The following KCNC3 variants were observed in gnomAD, a reference collection of about 807,000 sequenced individuals.
KCNC3 encodes voltage-gated potassium channel KCNC3.
KCNC3 carries 22 observed loss-of-function variants against 43.9 expected under a neutral mutation model. The ratio of observed to expected loss-of-function variants is 0.50; its 90% CI spans 0.36 to 0.72. The LOEUF (loss-of-function observed/expected upper bound fraction) is 0.72. KCNC3 is among the 30% of genes least tolerant of loss of function. KCNC3 has a pLI of 0.00. For missense variants in KCNC3, 829 were observed against 1,073.8 expected (o/e 0.77, Z 3.19); for synonymous variants, 492 against 488.0 (o/e 1.01, Z -0.11).
Position 50,329,002 on chromosome 19 carries a change from C to T in KCNC3, c.81G>A (p.Pro27=), listed in dbSNP as rs1376249813. ...SKQQPAPPPQ[P]PESPPPPPLP... ...GCGGTGGCGGCGGCGGGGACTCGGG[C>T]GGCTGCGGCGGTGGCGCCGGCTGCT... is the stretch of plus-strand genomic sequence containing the variant. Residue 27 remains proline, a synonymous_variant, in exon 1 of 5, where the codon CCG becomes CCA. Coordinates refer to ENST00000477616, the MANE Select transcript of KCNC3 (RefSeq NM_004977.3). The T allele has an allele frequency of 1.6e-5, 20 of 1,239,172 alleles. 1 individual carries two copies. Among genetic ancestry groups the T allele is most frequent in the Admixed American group, 3.6e-5 (1 of 27,818 alleles). The allele number at this position is 1,239,172 out of a possible 1,614,324, so 76.8% of individuals were successfully genotyped here. A position where few individuals can be genotyped will look rare whatever the true frequency, so the allele number is the denominator to read the frequency against.
At chr19:50,331,062 C>G (rs2037183113), upstream of KCNC3, among the ~76,000 whole-genome samples, 1 of 152,006 alleles carries the variant, frequency 6.6e-6, no homozygotes, top group African/African-American at 2.4e-5. Flanking sequence ...CATCCCACCC[C>G]CGCTCCCGTT....
chr19:50,325,758 C>G (rs956778038), intron 1 of KCNC3, among the ~76,000 whole-genome samples: 3 of 152,048 alleles, frequency 2.0e-5, no homozygotes, highest in Admixed American at 6.5e-5. Context: ...CGGCCAGTAC[C>G]GCGGACAGCT....
intron 4 of KCNC3, among the ~76,000 whole-genome samples, chr19:50,317,534 T>C (rs1322791772): frequency 6.6e-6 from 1 of 152,088 alleles, no homozygotes; most frequent in Non-Finnish European, 1.5e-5. Context: ...GTGGCTTCCC[T>C]TCACGTTTAA....
intron 4 of KCNC3, among the ~76,000 whole-genome samples, 166 bp downstream of exon 4, chr19:50,320,057 G>GT (rs2037006628): frequency 6.8e-6 from 1 of 146,232 alleles, no homozygotes. Context: ...TCCTGGGTAG[G>GT]TGGGTGTGGG....
chr19:50,320,565 C>A, intron 3 of KCNC3, 28 bp downstream of exon 3: 1 of 1,599,314 alleles, frequency 6.3e-7, no homozygotes, highest in Non-Finnish European at 8.5e-7. Context: ...GGGAGGGTCC[C>A]AGGGGATCAG....
At chr19:50,325,019 G>C (rs1376679347) in intron 1 of KCNC3, among the ~76,000 whole-genome samples, 1 of 152,194 alleles carries the variant, frequency 6.6e-6, no homozygotes, top group East Asian at 1.9e-4. Context: ...CAGGGCCAAA[G>C]AGAAGTTAGG....
Position 50,323,912 on chromosome 19 carries a change from G to C in KCNC3, c.1041C>G (p.Phe347Leu), listed in dbSNP as rs2037069670. Residue 347 changes from phenylalanine to leucine, a missense_variant, in exon 2 of 5, where the codon TTC (phenylalanine) becomes TTG (leucine). By Grantham distance (22) the Phe-to-Leu change is conservative. Transcript: ENST00000477616. ...CGCACACCCCCTCCACGTAGGTCAG[G>C]AAGGGCTCCGTCTCCACCTCCACGT... is the stretch of plus-strand genomic sequence containing the variant. ...ITNVEVETEPFLTYVEGVCVV... is the reference protein window; with the variant it reads ...ITNVEVETEPLLTYVEGVCVV... 1 of 1,614,218 alleles carries C rather than the reference G, an allele frequency of 6.2e-7. No homozygotes were observed.
upstream of KCNC3, chr19:50,333,368 C>T (rs948271729): frequency 1.3e-5 from 2 of 154,334 alleles, no homozygotes; most frequent in African/African-American, 4.8e-5. Flanking sequence ...TTATGGCGGA[C>T]CCCGGGGTCC....
chr19:50,325,999 G>A (rs1228325581), intron 1 of KCNC3, among the ~76,000 whole-genome samples: 2 of 152,196 alleles, frequency 1.3e-5, no homozygotes, highest in African/African-American at 4.8e-5. Context: ...ACTCCAGAGT[G>A]TGTCAAAAGC....
In KCNC3 at chr19:50,312,499, G is replaced by A. The variant is rs1472901906; in HGVS notation, c.*3616C>T. The A allele has an allele frequency of 5.9e-5, 9 of 152,250 alleles. No homozygotes were observed. 9.4% of individuals were successfully genotyped at this position (152,250 alleles called of 1,614,324 possible). A position where few individuals can be genotyped will look rare whatever the true frequency, so the allele number is the denominator to read the frequency against. ...GGTGCAGGCACCCTGGCGGCCGGGG[G>A]GAAAAGGGGGAGCCGGACTTGGAAA... On this transcript the variant is annotated 3_prime_UTR_variant, in exon 5 of 5. Coordinates refer to ENST00000477616, the MANE Select transcript of KCNC3 (RefSeq NM_004977.3).
In KCNC3 at chr19:50,320,324, G is replaced by T. The variant is rs375488867; in HGVS notation, c.2196C>A (p.Pro732=). The change falls in exon 4 of 5, where the codon CCC becomes CCA. Residue 732 remains proline (P), a synonymous_variant. Transcript: ENST00000477616. ...RKATGAPPLP[P]QDWRKPGPPS... ...GGGGGCCTGGCTTACGCCAGTCTTG[G>T]GGGGGCAGTGGGGGAGCACCAGTGG... 3.2e-5 allele frequency: 14 copies of T among 433,106 alleles called. No homozygotes were observed. The highest frequency in any genetic ancestry group is 7.4e-5 in the South Asian group (3 of 40,696). 26.8% of individuals were successfully genotyped at this position (433,106 alleles called of 1,614,324 possible).
At position 50,317,249 on chromosome 19, in the gene KCNC3, G is replaced by A. The variant is rs909592927; in HGVS notation, c.*24-1158C>T. 5.3e-5 allele frequency among the ~76,000 whole-genome samples: 8 copies of A among 152,028 alleles called. No homozygotes were observed. The East Asian group carries it at 9.7e-4, about 18-fold the overall frequency. On this transcript the variant is annotated intron_variant, in intron 4 of 4. Coordinates refer to ENST00000477616, the MANE Select transcript of KCNC3 (RefSeq NM_004977.3). The stretch of plus-strand genomic sequence containing the variant: ...AGAGGTGGGGGGGATGGAACAAGAG[G>A]AGCCAGACAGTCCCCCCTCTGGACT...
At position 50,315,829 on chromosome 19, in the gene KCNC3, AG is replaced by A. The variant is rs1287293585; in HGVS notation, c.*285del. ...TCACAGCTAATGGGACTCAAGATCC[AG>A]CAACAGTGTGTGTGGTTTCTGCAAA... On this transcript the variant is annotated 3_prime_UTR_variant, in exon 5 of 5. Transcript: ENST00000477616. 1.2e-5 allele frequency: 3 copies of A among 258,984 alleles called. No homozygotes were observed. Among genetic ancestry groups the A allele is most frequent in the Admixed American group, 5.6e-5 (1 of 17,830 alleles). The allele number at this position is 258,984 out of a possible 1,614,324, so 16.0% of individuals were successfully genotyped here.
rs2036931087 is a variant in KCNC3 at position 50,315,110 on chromosome 19, G to T, written c.*1005C>A. ...GACAGAGAGAGAAAGAAATGGAAGG[G>T]GAGGACAACAGATACCCAGAGAGAC... is the stretch of plus-strand genomic sequence containing the variant. On this transcript the variant is annotated 3_prime_UTR_variant, in exon 5 of 5. Coordinates refer to ENST00000477616, the MANE Select transcript of KCNC3 (RefSeq NM_004977.3). The T allele has an allele frequency of 5.3e-6, 1 of 189,324 alleles. No homozygotes were observed. The highest frequency in any genetic ancestry group is 1.1e-5 in the Non-Finnish European group (1 of 90,232). 11.7% of individuals were successfully genotyped at this position (189,324 alleles called of 1,614,324 possible). A position where few individuals can be genotyped will look rare whatever the true frequency, so the allele number is the denominator to read the frequency against.
At chr19:50,321,664 G>A (rs928456976) in intron 2 of KCNC3, among the ~76,000 whole-genome samples, 14 of 152,192 alleles carry the variant, frequency 9.2e-5, no homozygotes, top group African/African-American at 1.4e-4. Context: ...CAGCTACTCC[G>A]GAGGCTGAGG....
rs2036897356 is a variant in KCNC3 at position 50,312,816 on chromosome 19, A to G, written c.*3299T>C. 6.6e-6 allele frequency: 1 copy of G among 151,858 alleles called. No homozygotes were observed. The highest frequency in any genetic ancestry group is 2.4e-5 in the African/African-American group (1 of 41,322). The allele number at this position is 151,858 out of a possible 1,614,324, so 9.4% of individuals were successfully genotyped here. ...GTTAAAGAAGTTGAACCCTTTGGCAATATAATCAGTCCCCACCCCGTACCC... is the reference window on the plus strand; with the variant it reads ...GTTAAAGAAGTTGAACCCTTTGGCAGTATAATCAGTCCCCACCCCGTACCC... On this transcript the variant is annotated 3_prime_UTR_variant, in exon 5 of 5. Coordinates refer to ENST00000477616, the MANE Select transcript of KCNC3 (RefSeq NM_004977.3).
intron 1 of KCNC3, among the ~76,000 whole-genome samples, chr19:50,325,545 G>A (rs893707462): frequency 6.6e-6 from 1 of 151,772 alleles, no homozygotes; most frequent in African/African-American, 2.4e-5. Context: ...GACCCTGGAC[G>A]TTGGGGTGGG....
In KCNC3 at chr19:50,328,683, C is replaced by A. The variant is rs2037138170; in HGVS notation, c.400G>T (p.Glu134Ter). 6.2e-7 allele frequency: 1 copy of A among 1,606,894 alleles called. No homozygotes were observed. Among genetic ancestry groups the A allele is most frequent in the Admixed American group, 1.7e-5 (1 of 59,286 alleles). Residue 134 changes from glutamate to a stop codon, truncating the protein, a stop_gained, in exon 1 of 5, where the codon GAG (glutamate) becomes TAG (stop). Coordinates refer to ENST00000477616, the MANE Select transcript of KCNC3 (RefSeq NM_004977.3). LOFTEE classifies it high-confidence loss of function. ...ARFDYDPGADEFFFDRHPGVF... is the reference protein window; with the variant it reads ...ARFDYDPGAD The stretch of plus-strand genomic sequence containing the variant: ...CCCGGGTGCCGGTCAAAGAAGAACT[C>A]GTCGGCGCCCGGGTCGTAGTCGAAG...
In KCNC3 at chr19:50,329,078, A is replaced by T. The variant is rs1362409342; in HGVS notation, c.5T>A (p.Leu2Gln). The part of the protein sequence containing the change: M[L>Q]SSVCVSSFRG... ...GAAGGACGAGACGCAGACTGAGCTC[A>T]GCATTGGACGGGGGGCGGGGCGGGA... Residue 2 changes from leucine (L) to glutamine (Q), a missense_variant, in exon 1 of 5, where the codon CTG becomes CAG. Physicochemically the swap from Leu to Gln is moderately radical, Grantham distance 113. Around this residue, in one of 7 missense-constraint regions of KCNC3, gnomAD observed 129 missense variants for 83.6 expected, o/e 1.54. Transcript: ENST00000477616. 15 of 861,582 alleles carry T rather than the reference A, an allele frequency of 1.7e-5. No individual in the cohort carries two copies. The highest frequency in any genetic ancestry group is 1.9e-5 in the Non-Finnish European group (13 of 668,408). The allele number at this position is 861,582 out of a possible 1,614,324, so 53.4% of individuals were successfully genotyped here. A position where few individuals can be genotyped will look rare whatever the true frequency, so the allele number is the denominator to read the frequency against.
Sources: gnomAD v4.1 joint callset for allele counts (sites outside exome capture counted in the v4.1 genomes callset) on GRCh38, gnomAD v4.1.1 for gene constraint, gnomAD v4.1.1 regional missense constraint, MANE v1.5 for transcripts, NCBI Gene and HGNC (gene_info 2026-07-23, HGNC 2026-07-21) for gene names.